FGF13: variants seen among roughly 807,000 people sequenced by gnomAD.
FGF13 encodes fibroblast growth factor homologous factor 2.
A neutral mutation model predicts 19.5 loss-of-function variants in FGF13; 2 were observed. That is an observed-to-expected ratio of 0.10 (90% CI 0.04 to 0.32). The LOEUF is 0.32. FGF13 is among the 10% of genes least tolerant of loss of function. The pLI is 1.00. For synonymous variants in FGF13, 72 were observed against 76.9 expected (o/e 0.94, Z 0.33); for missense variants, 113 against 192.7 (o/e 0.59, Z 2.45).
intron 1 of FGF13, among the ~76,000 whole-genome samples, chrX:139,128,472 C>G (rs948881277): frequency 8.9e-6 from 1 of 112,118 alleles, no homozygotes; most frequent in African/African-American, 3.2e-5. Context: ...CTTGTGCCAT[C>G]CTGTCTGGGG....
chrX:138,681,716 T>G (rs1333657352), intron 3 of FGF13, among the ~76,000 whole-genome samples: 1 of 111,975 alleles, frequency 8.9e-6, no homozygotes, highest in Non-Finnish European at 1.9e-5. Context: ...ACTCTTACTT[T>G]CACTTGAACA....
chrX:138,999,328 C>T (rs1416293982), intron 1 of FGF13, among the ~76,000 whole-genome samples: 1 of 111,182 alleles, frequency 9.0e-6, no homozygotes, highest in Admixed American at 9.6e-5. Flanking sequence ...TAATAAATAC[C>T]TAAGATCAGA....
intron 1 of FGF13, among the ~76,000 whole-genome samples, chrX:139,191,540 G>T (rs1262717756): frequency 2.7e-5 from 3 of 111,383 alleles, no homozygotes; most frequent in African/African-American, 9.8e-5. Flanking sequence ...TTCCACAGAG[G>T]AAATAAAAAC....
At chrX:138,834,625 C>G (rs1178955509) in intron 3 of FGF13, among the ~76,000 whole-genome samples, 1 of 107,093 alleles carries the variant, frequency 9.3e-6, no homozygotes, top group Admixed American at 1.0e-4. Flanking sequence ...ATGGAGTGAT[C>G]GTTTGAATGG....
At chrX:139,065,263 C>T (rs755649660) in intron 1 of FGF13, among the ~76,000 whole-genome samples, 1 of 109,950 alleles carries the variant, frequency 9.1e-6, no homozygotes, top group Non-Finnish European at 1.9e-5. Context: ...GCAAAATAAC[C>T]AACTAACATC....
upstream of FGF13, chrX:138,711,801 AC>A (rs1556060841): frequency 2.5e-5 from 5 of 199,527 alleles, no homozygotes; most frequent in Non-Finnish European, 2.8e-5. Context: ...CGCCCCTCCC[AC>A]CCCCACCCCC....
intron 3 of FGF13, among the ~76,000 whole-genome samples, chrX:138,702,496 T>C (rs17538837): frequency 0.015 from 1,647 of 112,075 alleles, 21 homozygotes; most frequent in African/African-American, 0.05. Flanking sequence ...AGTGCTTATA[T>C]TTAAAGCAGA....
At chrX:138,982,710 G>A (rs1441918448) in intron 1 of FGF13, among the ~76,000 whole-genome samples, 1 of 111,972 alleles carries the variant, frequency 8.9e-6, no homozygotes, top group Non-Finnish European at 1.9e-5. Context: ...AAACTGGAGT[G>A]GGAAAAGTAC....
intron 1 of FGF13, among the ~76,000 whole-genome samples, chrX:139,174,790 T>G (rs1309133522): frequency 8.9e-6 from 1 of 112,393 alleles, no homozygotes; most frequent in Non-Finnish European, 1.9e-5. Context: ...GCTGTTTTGC[T>G]TACTGTAGCC....
chrX:138,815,278 G>A (rs921111957), intron 3 of FGF13, among the ~76,000 whole-genome samples: 1 of 110,721 alleles, frequency 9.0e-6, no homozygotes, highest in Non-Finnish European at 1.9e-5. Flanking sequence ...GATGATTATA[G>A]TTAATAATAC....
chrX:138,635,555 C>G lies in FGF13; in HGVS notation c.503G>C (p.Gly168Ala). The change falls in exon 4 of 5, where the codon GGG becomes GCG. Residue 168 changes from glycine to alanine, a missense_variant. Gly to Ala is a moderately conservative substitution (Grantham distance 60, BLOSUM62 0). Around this residue, in one of 4 missense-constraint regions of FGF13, gnomAD observed 14 missense variants for 44.7 expected, o/e 0.31. Coordinates refer to ENST00000315930, the MANE Select transcript of FGF13 (RefSeq NM_004114.5). ...TTCTTTGTTCAGACCCAGATACCAC[C>G]CTCGGCCTGACTGCTGCTGACGGTA... is the stretch of plus-strand genomic sequence containing the variant. ...MIYRQQQSGR[G>A]WYLGLNKEGE... is the part of the protein sequence containing the mutation. 1.7e-6 allele frequency: 2 copies of G among 1,209,448 alleles called. No individual in the cohort carries two copies. The highest frequency in any genetic ancestry group is 2.2e-6 in the Non-Finnish European group (2 of 893,632).
intron 3 of FGF13, among the ~76,000 whole-genome samples, chrX:138,676,902 T>C (rs1031523091): frequency 8.9e-6 from 1 of 112,301 alleles, no homozygotes; most frequent in African/African-American, 3.2e-5. Context: ...AATGGTTATA[T>C]TATCTGAATT....
At chrX:138,703,206 T>C (rs140811493) in intron 2 of FGF13, 119 bp from the exon 3 acceptor site, 179 of 525,336 alleles carry the variant, frequency 3.4e-4, no homozygotes, top group African/African-American at 2.2e-3. Context: ...AGGGTATGCA[T>C]ATATGTCTGT....
At chrX:138,978,540 G>A (rs1346075345) in intron 1 of FGF13, among the ~76,000 whole-genome samples, 4 of 112,233 alleles carry the variant, frequency 3.6e-5, no homozygotes, top group African/African-American at 1.3e-4. Context: ...GGGATTACAG[G>A]CGCGAGCCAC....
chrX:138,648,290 T>G (rs1285802541), intron 3 of FGF13, among the ~76,000 whole-genome samples: 1 of 111,255 alleles, frequency 9.0e-6, no homozygotes, highest in Non-Finnish European at 1.9e-5. Flanking sequence ...CAAGTCCTAT[T>G]TTTTACATTC....
intron 1 of FGF13, among the ~76,000 whole-genome samples, chrX:138,877,898 T>C (rs982525183): frequency 3.6e-5 from 4 of 112,152 alleles, no homozygotes; most frequent in Non-Finnish European, 7.5e-5. Flanking sequence ...TTGGCATACA[T>C]ATATCTGTTT....
chrX:138,973,186 A>C (rs1469416728), intron 1 of FGF13, among the ~76,000 whole-genome samples: 1 of 111,592 alleles, frequency 9.0e-6, no homozygotes, highest in Non-Finnish European at 1.9e-5. Context: ...GCTGTATTCC[A>C]TAGGCTTTTG....
chrX:138,773,044 A>T (rs777317352), intron 3 of FGF13, among the ~76,000 whole-genome samples: 33 of 110,082 alleles, frequency 3.0e-4, no homozygotes, highest in East Asian at 8.4e-4. Context: ...GTAAAAAAAA[A>T]AAAATAAAAA....
At chrX:138,943,682 G>A (rs2091769182) in intron 1 of FGF13, among the ~76,000 whole-genome samples, 1 of 111,868 alleles carries the variant, frequency 8.9e-6, no homozygotes, top group Non-Finnish European at 1.9e-5. Context: ...CTATCCTGGA[G>A]TAGAGGTATT....
Sources: allele counts gnomAD v4.1 joint callset (sites outside exome capture counted in the v4.1 genomes callset), GRCh38; gene constraint gnomAD v4.1.1; regional missense constraint gnomAD v4.1.1; transcripts MANE v1.5; gene names NCBI Gene and HGNC (gene_info 2026-07-23, HGNC 2026-07-21).